The following DIP2C variants were observed in gnomAD, a reference collection of about 807,000 sequenced individuals.
DIP2C encodes DIP2 acetate--CoA ligase C (putative).
DIP2C carries 33 observed loss-of-function variants against 192.4 expected under a neutral mutation model. That is an observed-to-expected ratio of 0.17 (90% CI 0.13 to 0.23). DIP2C has a LOEUF of 0.23. DIP2C is among the 10% of genes least tolerant of loss of function. The pLI is 1.00. For missense variants in DIP2C, 1,537 were observed against 2,110.1 expected (o/e 0.73, Z 5.32); for synonymous variants, 979 against 864.1 (o/e 1.13, Z -2.33).
intron 1 of DIP2C, chr10:665,879 C>T (rs1199801157): frequency 1.3e-5 from 2 of 152,134 alleles, no homozygotes; most frequent in East Asian, 1.9e-4. Context: ...ATTCACTCAT[C>T]CTTCCACACA....
At chr10:612,123 C>T (rs1424606297) in intron 1 of DIP2C, among the ~76,000 whole-genome samples, 1 of 152,074 alleles carries the variant, frequency 6.6e-6, no homozygotes, top group African/African-American at 2.4e-5. Context: ...GTTGAAACCT[C>T]GTCTCTACTA....
chr10:400,453 T>C (rs149179505), intron 9 of DIP2C, among the ~76,000 whole-genome samples: 5 of 152,382 alleles, frequency 3.3e-5, no homozygotes, highest in African/African-American at 1.2e-4. Context: ...TCTGCTTCTA[T>C]TTTAACACAG....
chr10:581,189 A>AG lies in DIP2C; in HGVS notation c.86-94660_86-94659insC, dbSNP rs1850627854. ...CACCTGGCCACTTAGACGCTTTCTG[A>AG]TACTTACTCTAGTCTACTTGTTTCC... is the stretch of plus-strand genomic sequence containing the variant. On this transcript the variant is annotated intron_variant, in intron 1 of 36. Coordinates refer to ENST00000280886, the MANE Select transcript of DIP2C (RefSeq NM_014974.3). 7.3e-5 allele frequency among the ~76,000 whole-genome samples: 11 copies of AG among 151,606 alleles called. No homozygotes were observed. The South Asian group carries it at 1.7e-3, about 23-fold the overall frequency.
intron 3 of DIP2C, among the ~76,000 whole-genome samples, chr10:464,883 T>G (rs1169103326): frequency 6.6e-6 from 1 of 151,462 alleles, no homozygotes; most frequent in South Asian, 2.1e-4. Context: ...TCTGAAATTG[T>G]GGCAATAATC....
chr10:493,631 C>T (rs575828275), intron 1 of DIP2C, among the ~76,000 whole-genome samples: 4 of 152,278 alleles, frequency 2.6e-5, no homozygotes, highest in East Asian at 1.9e-4. Context: ...CTCCACCCTC[C>T]GCTTCCCGAC....
chr10:328,636 A>C (rs1957372323), intron 30 of DIP2C, among the ~76,000 whole-genome samples: 1 of 152,222 alleles, frequency 6.6e-6, no homozygotes, highest in African/African-American at 2.4e-5. Flanking sequence ...TATGTTACAT[A>C]AAGTTATCTT....
At position 687,728 on chromosome 10, in the gene DIP2C, T is replaced by G. The variant is rs376919940; in HGVS notation, c.85+1766A>C. ...GTATCACTCACCCTCCAAGAGCAAC[T>G]GACAGGCAAGTGTCGTCACCTCAAA... On this transcript the variant is annotated intron_variant, in intron 1 of 36. Transcript: ENST00000280886. Among the ~76,000 whole-genome samples, 58 of 152,314 alleles carry G rather than the reference T, an allele frequency of 3.8e-4. 1 individual carries two copies. The South Asian group carries it at 0.011, about 29-fold the overall frequency.
chr10:362,741 G>C, intron 21 of DIP2C, 50 bp from the exon 22 acceptor site: 1 of 1,539,164 alleles, frequency 6.5e-7, no homozygotes, highest in East Asian at 2.3e-5. Context: ...AGTATAAACA[G>C]TACGTATTTA....
intron 26 of DIP2C, among the ~76,000 whole-genome samples, chr10:347,562 G>C: frequency 7.6e-6 from 1 of 131,284 alleles, no homozygotes; most frequent in Non-Finnish European, 1.6e-5. Context: ...TAGCTCTCCC[G>C]GAAACCCCAC....
rs570104524 is a variant in DIP2C at position 387,653 on chromosome 10, G to C, written c.1662+92C>G. ...TGGGGAGGGGACTCCTGTGTGGACA[G>C]ACAGTATGGGGAGGGGGACTCCTGT... On this transcript the variant is annotated intron_variant, in intron 14 of 36. Coordinates refer to ENST00000280886, the MANE Select transcript of DIP2C (RefSeq NM_014974.3). 6.6e-5 allele frequency: 69 copies of C among 1,042,434 alleles called. No individual in the cohort carries two copies. In the African/African-American group the frequency reaches 1.1e-3, roughly 16 times the overall value. The allele number at this position is 1,042,434 out of a possible 1,614,324, so 64.6% of individuals were successfully genotyped here.
chr10:389,674 G>A (rs1183552536), intron 13 of DIP2C, among the ~76,000 whole-genome samples: 1 of 152,188 alleles, frequency 6.6e-6, no homozygotes, highest in Non-Finnish European at 1.5e-5. Flanking sequence ...TGGTAGGGAT[G>A]GGTTCCTAAC....
chr10:558,583 C>T (rs548069866), intron 1 of DIP2C, among the ~76,000 whole-genome samples: 35 of 151,908 alleles, frequency 2.3e-4, no homozygotes, highest in Non-Finnish European at 4.0e-4. Context: ...CATGCCAGTG[C>T]GGGGGCCCAC....
In DIP2C at chr10:618,439, T is replaced by C. The variant is rs377049944; in HGVS notation, c.85+71055A>G. Among the ~76,000 whole-genome samples the C allele has an allele frequency of 1.3e-3, 205 of 152,326 alleles. 1 individual carries two copies. The highest frequency in any genetic ancestry group is 4.5e-3 in the African/African-American group (186 of 41,566). On this transcript the variant is annotated intron_variant, in intron 1 of 36. Coordinates refer to ENST00000280886, the MANE Select transcript of DIP2C (RefSeq NM_014974.3). ...AGGCCCCTGGAGGAGCAAGCTGACC[T>C]GCCCACATTTCTCAAATGCACAGCT...
chr10:535,560 C>T (rs184488932), intron 1 of DIP2C, among the ~76,000 whole-genome samples: 281 of 152,140 alleles, frequency 1.8e-3, no homozygotes, highest in African/African-American at 6.4e-3. Flanking sequence ...AAATGGTTCC[C>T]ATTTACACTC....
At chr10:333,519 G>A (rs1364205865) in intron 29 of DIP2C, among the ~76,000 whole-genome samples, 7 of 152,246 alleles carry the variant, frequency 4.6e-5, no homozygotes, top group African/African-American at 1.4e-4. Context: ...CCATGTGGAC[G>A]TGGCAGGCGT....
intron 1 of DIP2C, among the ~76,000 whole-genome samples, chr10:675,152 T>G (rs1342146514): frequency 2.0e-5 from 3 of 152,078 alleles, no homozygotes; most frequent in Non-Finnish European, 4.4e-5. Context: ...CAAAACTGTA[T>G]AAATACATAG....
At chr10:427,681 T>A (rs1289866398) in intron 4 of DIP2C, among the ~76,000 whole-genome samples, 1 of 152,246 alleles carries the variant, frequency 6.6e-6, no homozygotes, top group Non-Finnish European at 1.5e-5. Flanking sequence ...CTTAGCATCA[T>A]TAACTGTTAC....
chr10:546,480 G>A (rs1023298572), intron 1 of DIP2C, among the ~76,000 whole-genome samples: 1 of 152,298 alleles, frequency 6.6e-6, no homozygotes, highest in Admixed American at 6.5e-5. Flanking sequence ...TCAGTGGGCT[G>A]CAGAACTCTG....
chr10:576,725 T>C (rs143494969), intron 1 of DIP2C, among the ~76,000 whole-genome samples: 65 of 152,194 alleles, frequency 4.3e-4, no homozygotes, highest in African/African-American at 1.2e-3. Context: ...CTGGCCAACA[T>C]GGCAAAACCC....
Sources: gnomAD v4.1 joint callset for allele counts (sites outside exome capture counted in the v4.1 genomes callset) on GRCh38, gnomAD v4.1.1 for gene constraint, MANE v1.5 for transcripts, NCBI Gene and HGNC (gene_info 2026-07-23, HGNC 2026-07-21) for gene names.